TMPRSS15: variants seen among roughly 807,000 people sequenced by gnomAD.
The protein encoded by TMPRSS15 is enteropeptidase.
A neutral mutation model predicts 125.3 loss-of-function variants in TMPRSS15; 128 were observed. That is an observed-to-expected ratio of 1.02 (90% CI 0.89 to 1.18). TMPRSS15 has a LOEUF of 1.18. Among genes scored for constraint, TMPRSS15 ranks in the 50% most tolerant of loss-of-function variants. The pLI is 0.00. For synonymous variants in TMPRSS15, 446 were observed against 423.2 expected (o/e 1.05, Z -0.66); for missense variants, 1,283 against 1,212.7 (o/e 1.06, Z -0.86).
chr21:18,340,407 A>G (rs1446217782), intron 13 of TMPRSS15, among the ~76,000 whole-genome samples: 1 of 152,138 alleles, frequency 6.6e-6, no homozygotes, highest in Non-Finnish European at 1.5e-5. Context: ...TGAAGGCTGC[A>G]CAATCAGCTT....
intron 1 of TMPRSS15, among the ~76,000 whole-genome samples, chr21:18,414,573 T>G (rs76940352): frequency 0.023 from 3,477 of 152,324 alleles, 98 homozygotes; most frequent in African/African-American, 0.069. Context: ...GTTTGACTAT[T>G]GTAGATACCT....
intron 16 of TMPRSS15, among the ~76,000 whole-genome samples, chr21:18,319,242 T>C (rs2075207696): frequency 6.6e-6 from 1 of 152,088 alleles, no homozygotes; most frequent in Non-Finnish European, 1.5e-5. Flanking sequence ...GAAATTAGCC[T>C]GAGGCTCAGT....
At chr21:18,296,878 C>A (rs1051543765) in intron 19 of TMPRSS15, among the ~76,000 whole-genome samples, 3 of 152,142 alleles carry the variant, frequency 2.0e-5, no homozygotes, top group African/African-American at 4.8e-5. Context: ...TCAAAATACT[C>A]CTTTACCATT....
rs1191694228 is a variant in TMPRSS15, at chr21:18,336,773, G to A, written c.1565-4600C>T. Among the ~76,000 whole-genome samples the A allele has an allele frequency of 2.6e-5, 4 of 152,270 alleles. No individual in the cohort carries two copies. The East Asian group carries it at 5.8e-4, about 22-fold the overall frequency. ...CGAGCCTTGAACTCCTGGCTTCAAA[G>A]CATCATCCTGCCTCAGGCTTCCGAG... is the stretch of plus-strand genomic sequence containing the variant. On this transcript the variant is annotated intron_variant, in intron 13 of 24. Coordinates refer to ENST00000284885, the MANE Select transcript of TMPRSS15 (RefSeq NM_002772.3).
At chr21:18,406,005 T>C (rs1475428122), upstream of TMPRSS15, among the ~76,000 whole-genome samples, 1 of 152,190 alleles carries the variant, frequency 6.6e-6, no homozygotes, top group African/African-American at 2.4e-5. Context: ...AAACTGCATA[T>C]GTTTTCATTC....
intron 1 of TMPRSS15, among the ~76,000 whole-genome samples, chr21:18,443,893 G>A (rs954168802): frequency 2.0e-5 from 3 of 152,140 alleles, no homozygotes; most frequent in Non-Finnish European, 4.4e-5. Flanking sequence ...CTGTTGTGGC[G>A]GGAAGCACCT....
At chr21:18,360,441 C>T (rs913858615) in intron 7 of TMPRSS15, among the ~76,000 whole-genome samples, 1 of 152,038 alleles carries the variant, frequency 6.6e-6, no homozygotes, top group Non-Finnish European at 1.5e-5. Context: ...ATTGGGAATG[C>T]TGGATCAGGT....
intron 10 of TMPRSS15, among the ~76,000 whole-genome samples, chr21:18,350,603 T>C (rs952233730): frequency 6.6e-6 from 1 of 152,140 alleles, no homozygotes; most frequent in Non-Finnish European, 1.5e-5. Flanking sequence ...CAGTTTTGAT[T>C]CAAATGTCAC....
chr21:18,313,608 G>A (rs1164311239), intron 17 of TMPRSS15, among the ~76,000 whole-genome samples: 3 of 151,750 alleles, frequency 2.0e-5, no homozygotes, highest in South Asian at 4.1e-4. Context: ...TAAACTAAAT[G>A]TGCAATGTTC....
rs141887305 is a variant in TMPRSS15, at chr21:18,452,233, A to G, written c.10+33566T>C. Among the ~76,000 whole-genome samples, 52 of 152,332 alleles carry G rather than the reference A, an allele frequency of 3.4e-4. No homozygotes were observed. The East Asian group carries it at 0.01, about 29-fold the overall frequency. ...CAAAACTTAGGGATTCCTTGAGTCT[A>G]TAATTTCATAAGCATGGTTTGTTAA... is the stretch of plus-strand genomic sequence containing the variant. On this transcript the variant is annotated intron_variant, in intron 1 of 7. Transcript: ENST00000422787.
intron 1 of TMPRSS15, among the ~76,000 whole-genome samples, chr21:18,424,656 C>T (rs138965380): frequency 1.2e-4 from 18 of 151,948 alleles, no homozygotes; most frequent in African/African-American, 4.3e-4. Flanking sequence ...AAAGAACCGA[C>T]AAAAGGAGCC....
At chr21:18,322,242 A>G (rs1046774642) in intron 16 of TMPRSS15, among the ~76,000 whole-genome samples, 2 of 152,228 alleles carry the variant, frequency 1.3e-5, no homozygotes, top group African/African-American at 4.8e-5. Flanking sequence ...AGAAAGGGGA[A>G]CATTTATACA....
chr21:18,439,038 A>G (rs2076235500), intron 1 of TMPRSS15, among the ~76,000 whole-genome samples: 2 of 152,162 alleles, frequency 1.3e-5, no homozygotes, highest in South Asian at 4.1e-4. Flanking sequence ...AAATGTTGAA[A>G]ACAATCAACT....
At chr21:18,435,898 T>G (rs963138708) in intron 1 of TMPRSS15, among the ~76,000 whole-genome samples, 18 of 151,962 alleles carry the variant, frequency 1.2e-4, no homozygotes, top group Admixed American at 2.6e-4. Context: ...ATTTCTTCTA[T>G]ATTTTCTAGT....
intron 15 of TMPRSS15, among the ~76,000 whole-genome samples, chr21:18,327,381 G>A (rs1298057223): frequency 1.3e-5 from 2 of 152,126 alleles, no homozygotes; most frequent in Non-Finnish European, 2.9e-5. Flanking sequence ...TTTTATAGGT[G>A]TATAAAAGAA....
At chr21:18,428,566 A>C (rs1392577226) in intron 1 of TMPRSS15, among the ~76,000 whole-genome samples, 1 of 152,084 alleles carries the variant, frequency 6.6e-6, no homozygotes, top group Non-Finnish European at 1.5e-5. Flanking sequence ...GGTGCTCTGC[A>C]TTCCAACTTT....
intron 16 of TMPRSS15, among the ~76,000 whole-genome samples, chr21:18,316,381 T>C (rs2075167239): frequency 6.6e-6 from 1 of 152,174 alleles, no homozygotes; most frequent in African/African-American, 2.4e-5. Context: ...ACCATCCAAA[T>C]GATACTTCCA....
intron 1 of TMPRSS15, among the ~76,000 whole-genome samples, chr21:18,417,844 C>T (rs79336535): frequency 0.034 from 5,162 of 152,188 alleles, 294 homozygotes; most frequent in African/African-American, 0.12. Flanking sequence ...CATATAAACA[C>T]GTATACACAC....
Position 18,413,303 on chromosome 21 carries a change from TTTCTTTCTTTTCCTTCCTTCC to T in TMPRSS15, c.11-14995_11-14975del, listed in dbSNP as rs1310897261. On this transcript the variant is annotated intron_variant, in intron 1 of 7. Coordinates refer to the TMPRSS15 transcript ENST00000422787. ...CTTTTTCTTTCTTTCTTTTCTTTCTTTTCTTTCTTTTCCTTCCTTCCTTCCTTCCTTCCTTCCTTCCTTCCT... is the reference window on the plus strand; with the variant it reads ...CTTTTTCTTTCTTTCTTTTCTTTCTTTTCCTTCCTTCCTTCCTTCCTTCCT... Among the ~76,000 whole-genome samples the T allele has an allele frequency of 7.6e-3, 876 of 115,490 alleles. 14 individuals carry two copies. The highest frequency in any genetic ancestry group is 0.027 in the African/African-American group (824 of 30,270). The allele number at this position is 115,490 out of a possible 152,430, so 75.8% of individuals were successfully genotyped here.
Sources: allele counts gnomAD v4.1 joint callset (sites outside exome capture counted in the v4.1 genomes callset), GRCh38; gene constraint gnomAD v4.1.1; transcripts MANE v1.5; gene names NCBI Gene and HGNC (gene_info 2026-07-23, HGNC 2026-07-21).